TAB1: variants seen among roughly 807,000 people sequenced by gnomAD.
The protein encoded by TAB1 is TGF-beta activated kinase 1 (MAP3K7) binding protein 1.
Under a neutral mutation model 54.5 loss-of-function variants are expected in TAB1, and 30 were observed. The observed-to-expected ratio is 0.55, with a 90% CI of 0.41 to 0.75. The LOEUF is 0.75. TAB1 is among the 30% of genes least tolerant of loss of function. The probability of loss-of-function intolerance (pLI) is 0.00; values close to 1 mark genes in which losing one functional copy is unlikely to be tolerated. For missense variants in TAB1, 609 were observed against 683.2 expected, an observed-to-expected ratio of 0.89 and a Z score of 1.21; for synonymous variants, 289 against 286.9, an observed-to-expected ratio of 1.01 and a Z score of -0.07.
At chr22:39,428,654 G>T (rs898852321) in intron 10 of TAB1, among the ~76,000 whole-genome samples, 1 of 152,172 alleles carries the variant, frequency 6.6e-6, no homozygotes, top group East Asian at 1.9e-4. Flanking sequence ...CCCTCCAGCC[G>T]CAGACCTGCC....
chr22:39,426,264 C>G (rs1416855703), intron 8 of TAB1, among the ~76,000 whole-genome samples: 1 of 152,224 alleles, frequency 6.6e-6, no homozygotes, highest in African/African-American at 2.4e-5. Flanking sequence ...GTCAGGGACC[C>G]TGTTTTCATT....
chr22:39,430,513 C>T lies in TAB1; in HGVS notation c.*291C>T. On this transcript the variant is annotated 3_prime_UTR_variant, in exon 11 of 11. Coordinates refer to ENST00000216160, the MANE Select transcript of TAB1 (RefSeq NM_006116.3). Reference sequence around the variant, plus strand: ...GCCAGGTATAGAAACCGCAGTGGGCCTGCAAGCCGCCCGAGCCTCCCCAGC... The same window carrying T: ...GCCAGGTATAGAAACCGCAGTGGGCTTGCAAGCCGCCCGAGCCTCCCCAGC... 1 of 1,302,032 alleles carries T rather than the reference C, an allele frequency of 7.7e-7. No homozygotes were observed. Among genetic ancestry groups the T allele is most frequent in the Non-Finnish European group, 9.8e-7 (1 of 1,015,448 alleles). The allele number at this position is 1,302,032 out of a possible 1,614,324, so 80.7% of individuals were successfully genotyped here.
rs181637640 is a variant in TAB1, at chr22:39,429,921, G to T, written c.1308-94G>T. 3.8e-4 allele frequency: 603 copies of T among 1,569,984 alleles called. 1 individual carries two copies. The African/African-American group carries it at 6.1e-3, about 16-fold the overall frequency. ...TGCCAGAAAGGCCTGTGGCCCAAGA[G>T]GCTGGTAGAGGCAGGGGCCATTCTG... is the stretch of plus-strand genomic sequence containing the variant. On this transcript the variant is annotated intron_variant, in intron 10 of 10. Transcript: ENST00000216160.
intron 1 of TAB1, among the ~76,000 whole-genome samples, chr22:39,409,168 T>C (rs1601685558): frequency 1.3e-5 from 2 of 152,222 alleles, no homozygotes. Flanking sequence ...GGCCATCTTT[T>C]CAGGAGGAAG....
At chr22:39,408,271 C>T (rs1926456720) in intron 1 of TAB1, among the ~76,000 whole-genome samples, 1 of 152,232 alleles carries the variant, frequency 6.6e-6, no homozygotes, top group Non-Finnish European at 1.5e-5. Context: ...TGCCGTCAGA[C>T]ACACAGTTTT....
At chr22:39,409,863 A>G (rs1240329206) in intron 1 of TAB1, among the ~76,000 whole-genome samples, 2 of 152,204 alleles carry the variant, frequency 1.3e-5, no homozygotes, top group Non-Finnish European at 2.9e-5. Context: ...GGCTTCAAAT[A>G]AGGAGCCTCT....
chr22:39,429,341 A>G (rs1463622692), intron 10 of TAB1: 1 of 985,396 alleles, frequency 1.0e-6, no homozygotes, highest in Non-Finnish European at 1.2e-6. Flanking sequence ...GGGTTTAGAG[A>G]GATGGTAATG....
chr22:39,430,606 G>A lies in TAB1; in HGVS notation c.*384G>A. On this transcript the variant is annotated 3_prime_UTR_variant, in exon 11 of 11. Coordinates refer to ENST00000216160, the MANE Select transcript of TAB1 (RefSeq NM_006116.3). ...TGTTGCAGGCCCAGCAGACCCTGCTGTCCCAAGCCCACCCCTCCTCCCACC... is the reference window on the plus strand; with the variant it reads ...TGTTGCAGGCCCAGCAGACCCTGCTATCCCAAGCCCACCCCTCCTCCCACC... 1.8e-6 allele frequency: 2 copies of A among 1,116,206 alleles called. No homozygotes were observed. The highest frequency in any genetic ancestry group is 2.2e-6 in the Non-Finnish European group (2 of 904,270). 69.1% of individuals were successfully genotyped at this position (1,116,206 alleles called of 1,614,324 possible). A position where few individuals can be genotyped will look rare whatever the true frequency, so the allele number is the denominator to read the frequency against.
chr22:39,426,797 G>A lies in TAB1; in HGVS notation c.1016G>A (p.Ser339Asn). 1 of 1,614,068 alleles carries A rather than the reference G, an allele frequency of 6.2e-7. No individual in the cohort carries two copies. Among genetic ancestry groups the A allele is most frequent in the South Asian group, 1.1e-5 (1 of 91,084 alleles). ...AVVDRVKRIH[S>N]DTFASGGERA... ...GTGGACCGGGTGAAGCGCATCCACAGCGACACCTTCGCCAGTGGTGGGGAG... is the reference window on the plus strand; with the variant it reads ...GTGGACCGGGTGAAGCGCATCCACAACGACACCTTCGCCAGTGGTGGGGAG... Residue 339 changes from serine to asparagine, a missense_variant, in exon 9 of 11, where the codon AGC (serine) becomes AAC (asparagine). Ser to Asn is a conservative substitution (Grantham distance 46). Transcript: ENST00000216160.
At chr22:39,418,658 C>T in intron 5 of TAB1, 74 bp from the exon 6 acceptor site, 6 of 1,158,422 alleles carry the variant, frequency 5.2e-6, no homozygotes, top group Non-Finnish European at 6.5e-6. Flanking sequence ...CTGCCTTTTC[C>T]CTCTCTGCCT....
At chr22:39,435,906 C>T (rs1647147888), downstream of TAB1, among the ~76,000 whole-genome samples, 1 of 152,292 alleles carries the variant, frequency 6.6e-6, no homozygotes, top group East Asian at 1.9e-4. Flanking sequence ...TCCCGGGTGC[C>T]CCTGGGCGAC....
downstream of TAB1, chr22:39,433,627 T>G: frequency 5.1e-6 from 5 of 985,370 alleles, no homozygotes; most frequent in Non-Finnish European, 6.0e-6. Context: ...TCTGGTCGTC[T>G]CATTCTCTCA....
At chr22:39,421,360 A>G (rs1021945931) in intron 7 of TAB1, among the ~76,000 whole-genome samples, 1 of 152,170 alleles carries the variant, frequency 6.6e-6, no homozygotes, top group Non-Finnish European at 1.5e-5. Flanking sequence ...CTCCATGTGC[A>G]CACACATGTG....
chr22:39,425,154 CT>C (rs1163539111), intron 8 of TAB1, among the ~76,000 whole-genome samples: 1 of 151,332 alleles, frequency 6.6e-6, no homozygotes, highest in Non-Finnish European at 1.5e-5. Context: ...GGGAAGATCA[CT>C]TTAGGTCAGG....
chr22:39,428,980 G>A, intron 10 of TAB1: 2 of 818,954 alleles, frequency 2.4e-6, no homozygotes, highest in Middle Eastern at 1.3e-3. Context: ...CATCCTGAGT[G>A]CAGTAGGGGT....
intron 6 of TAB1, 149 bp from the exon 7 acceptor site, chr22:39,419,370 C>A: frequency 1.7e-6 from 1 of 577,386 alleles, no homozygotes; most frequent in South Asian, 2.2e-5. Flanking sequence ...GACTTTGGGT[C>A]AGCTGCTCTC....
rs987026678 is a variant in TAB1, at chr22:39,418,823, G to A, written c.642G>A (p.Glu214=). Residue 214 remains glutamate (E), a synonymous_variant, in exon 6 of 11, where the codon GAG becomes GAA. Transcript: ENST00000216160. ...NVDHTTENED[E]LFRLSQLGLD... ...ACCACACCACAGAGAACGAGGATGA[G>A]CTCTTCCGTCTTTCGCAGCTGGGTG... 3.1e-6 allele frequency: 5 copies of A among 1,614,000 alleles called. No individual in the cohort carries two copies. The African/African-American group carries it at 4.0e-5, about 13-fold the overall frequency.
At position 39,415,118 on chromosome 22, in the gene TAB1, C is replaced by T. The variant is rs748782092; in HGVS notation, c.146C>T (p.Pro49Leu). Residue 49 changes from proline to leucine, a missense_variant, in exon 2 of 11, where the codon CCA becomes CTA. Coordinates refer to ENST00000216160, the MANE Select transcript of TAB1 (RefSeq NM_006116.3). The surrounding 1 kb of genome is among the most constrained non-coding windows in gnomAD (Gnocchi z 4.9). The part of the protein sequence containing the change: ...ADGKGTESHP[P>L]EDSWLKFRSE... Reference sequence around the variant, plus strand: ...GGCAAGGGCACTGAGAGCCACCCGCCAGAGGACAGCTGGCTCAAGTTCAGG... The same window carrying T: ...GGCAAGGGCACTGAGAGCCACCCGCTAGAGGACAGCTGGCTCAAGTTCAGG... The T allele has an allele frequency of 1.9e-6, 3 of 1,598,250 alleles. No homozygotes were observed. Among genetic ancestry groups the T allele is most frequent in the Non-Finnish European group, 2.6e-6 (3 of 1,169,466 alleles).
In TAB1 at chr22:39,426,689, A is replaced by G. The variant is rs1927356468; in HGVS notation, c.922-14A>G. ...CCTCGTTCCTTACCAGGTTCTTCCTACCCCCTCCCCCAGGAGATTGCTGCG... is the reference window on the plus strand; with the variant it reads ...CCTCGTTCCTTACCAGGTTCTTCCTGCCCCCTCCCCCAGGAGATTGCTGCG... On this transcript the variant is annotated splice_polypyrimidine_tract_variant and intron_variant, in intron 8 of 10. Coordinates refer to ENST00000216160, the MANE Select transcript of TAB1 (RefSeq NM_006116.3). 1 of 1,587,550 alleles carries G rather than the reference A, an allele frequency of 6.3e-7. No homozygotes were observed. Among genetic ancestry groups the G allele is most frequent in the Non-Finnish European group, 8.6e-7 (1 of 1,160,730 alleles).
Sources: allele counts gnomAD v4.1 joint callset (sites outside exome capture counted in the v4.1 genomes callset), GRCh38; gene constraint gnomAD v4.1.1; non-coding constraint Gnocchi (gnomAD v3.1); transcripts MANE v1.5; gene names NCBI Gene and HGNC (gene_info 2026-07-23, HGNC 2026-07-21).